Variants in ANK2 observed in about 807,000 individuals in gnomAD.
The protein encoded by ANK2 is ankyrin-2.
ANK2 carries 83 observed loss-of-function variants against 360.5 expected under a neutral mutation model. The observed-to-expected ratio is 0.23, with a 90% CI of 0.19 to 0.28. The LOEUF is 0.28. Ranked by LOEUF, ANK2 falls within the 10% of genes least tolerant of loss-of-function variation. The pLI is 1.00. For synonymous variants in ANK2, 1,740 were observed against 1,759.5 expected, an observed-to-expected ratio of 0.99 and a Z score of 0.28; for missense variants, 4,201 against 4,795.7, an observed-to-expected ratio of 0.88 and a Z score of 3.66.
intron 33 of ANK2, 48 bp downstream of exon 33, chr4:113,341,964 C>T (rs1255020387): frequency 7.3e-7 from 1 of 1,372,366 alleles, no homozygotes. Flanking sequence ...GTTGTTATAC[C>T]TGCATTAATA....
chr4:113,049,717 A>G lies in ANK2; in HGVS notation c.-12A>G. ...TTGATGGCAGAGATATTTTCTTTCC[A>G]AACTGTTCAAAATGATGAACGAAGA... On this transcript the variant is annotated 5_prime_UTR_variant, in exon 1 of 46. Transcript: ENST00000357077. The G allele has an allele frequency of 1.2e-6, 2 of 1,612,416 alleles. No homozygotes were observed. The highest frequency in any genetic ancestry group is 1.7e-6 in the Non-Finnish European group (2 of 1,178,988).
intron 2 of ANK2, among the ~76,000 whole-genome samples, chr4:112,971,633 C>T (rs555002273): frequency 6.6e-6 from 1 of 152,222 alleles, no homozygotes; most frequent in African/African-American, 2.4e-5. Flanking sequence ...ACATTGGTTC[C>T]TTTGTTGGAA....
intron 6 of ANK2, 146 bp downstream of exon 6, chr4:113,237,318 A>G (rs2099391158): frequency 2.8e-6 from 3 of 1,078,548 alleles, no homozygotes; most frequent in South Asian, 1.3e-5. Context: ...GGTATTTCAG[A>G]AAGAAGGGGA....
At chr4:113,177,273 G>A (rs574066500) in intron 2 of ANK2, among the ~76,000 whole-genome samples, 2 of 151,990 alleles carry the variant, frequency 1.3e-5, no homozygotes, top group Non-Finnish European at 2.9e-5. Context: ...GTAGAGACGG[G>A]GTTTCACCAT....
At chr4:112,882,744 A>T (rs892887534) in intron 1 of ANK2, among the ~76,000 whole-genome samples, 5 of 151,910 alleles carry the variant, frequency 3.3e-5, no homozygotes, top group Admixed American at 6.6e-5. Flanking sequence ...GGTTCTGTTG[A>T]TTTTGTCACT....
Position 112,924,870 on chromosome 4 carries a change from G to T in ANK2, c.21+20356G>T, listed in dbSNP as rs1317794389. On this transcript the variant is annotated intron_variant, in intron 2 of 30. Transcript: ENST00000503271. ...TTTTTTTTTTTTGAGACACAGTCTC[G>T]CTCTGTCGCCCAGGCTGGAGTGCAG... Among the ~76,000 whole-genome samples, 6 of 129,278 alleles carry T rather than the reference G, an allele frequency of 4.6e-5. 1 individual carries two copies. In the South Asian group the frequency reaches 1.2e-3, roughly 25 times the overall value. 84.8% of individuals were successfully genotyped at this position (129,278 alleles called of 152,430 possible).
intron 2 of ANK2, among the ~76,000 whole-genome samples, chr4:112,991,389 T>C (rs1013452851): frequency 6.6e-6 from 1 of 152,120 alleles, no homozygotes; most frequent in Non-Finnish European, 1.5e-5. Context: ...TTAGCTCAGA[T>C]TTCCATAACA....
intron 18 of ANK2, among the ~76,000 whole-genome samples, chr4:113,285,539 A>T (rs1014167761): frequency 3.9e-5 from 6 of 152,324 alleles, no homozygotes; most frequent in African/African-American, 1.4e-4. Flanking sequence ...AAAGGCTATT[A>T]CAAAGGATGA....
chr4:113,358,426 G>T lies in ANK2; in HGVS notation c.9808G>T (p.Gly3270Cys), dbSNP rs1054393061. 1.9e-6 allele frequency: 3 copies of T among 1,614,056 alleles called. No homozygotes were observed. The Admixed American group carries it at 5.0e-5, about 27-fold the overall frequency. ...TLTRSVYSDRGDDSPDSSPEE... is the reference protein window; with the variant it reads ...TLTRSVYSDRCDDSPDSSPEE... ...CACCAGGTCTGTTTATTCAGATAGG[G>T]GTGATGATTCTCCCGATTCTTCCCC... is the stretch of plus-strand genomic sequence containing the variant. The change falls in exon 38 of 46, where the codon GGT (glycine) becomes TGT (cysteine). Residue 3270 changes from glycine to cysteine, a missense_variant. Coordinates refer to ENST00000357077, the MANE Select transcript of ANK2 (RefSeq NM_001148.6).
chr4:113,281,430 C>T (rs901254349), intron 17 of ANK2, among the ~76,000 whole-genome samples: 3 of 151,932 alleles, frequency 2.0e-5, no homozygotes, highest in Admixed American at 6.6e-5. Context: ...GTCCTCGGTA[C>T]TTAGGATGCT....
intron 27 of ANK2, 26 bp downstream of exon 27, chr4:113,330,496 C>G: frequency 6.2e-7 from 1 of 1,609,024 alleles, no homozygotes; most frequent in Non-Finnish European, 8.5e-7. Context: ...AAACCTCCCA[C>G]TTAGTCATCG....
chr4:113,085,896 TG>T lies in ANK2; in HGVS notation c.84+36086del, dbSNP rs2084495297. Among the ~76,000 whole-genome samples, 6 of 152,222 alleles carry T rather than the reference TG, an allele frequency of 3.9e-5. No homozygotes were observed. The South Asian group carries it at 1.2e-3, about 32-fold the overall frequency. Reference sequence around the variant, plus strand: ...TTCTTGTAAAAGGAATAGATTCTTCTGGAACAGTTCATTAAAAGCTCTGCAT... The same window carrying T: ...TTCTTGTAAAAGGAATAGATTCTTCTGAACAGTTCATTAAAAGCTCTGCAT... On this transcript the variant is annotated intron_variant, in intron 1 of 45. Coordinates refer to ENST00000357077, the MANE Select transcript of ANK2 (RefSeq NM_001148.6).
chr4:112,887,496 C>A (rs572502321), intron 1 of ANK2, among the ~76,000 whole-genome samples: 1 of 152,288 alleles, frequency 6.6e-6, no homozygotes, highest in East Asian at 1.9e-4. Flanking sequence ...TTCATTGTAA[C>A]TTGAGGAGCA....
chr4:113,206,315 C>T (rs1584848492), intron 4 of ANK2, among the ~76,000 whole-genome samples: 1 of 152,270 alleles, frequency 6.6e-6, no homozygotes, highest in South Asian at 2.1e-4. Flanking sequence ...CATTATTCAG[C>T]TCTCACTTAT....
the ANK2 span, among the ~76,000 whole-genome samples, chr4:112,718,941 GAGCCACCGCTC>G: frequency 6.6e-6 from 1 of 151,990 alleles, no homozygotes; most frequent in Non-Finnish European, 1.5e-5. Context: ...CCGGTCGCAT[GAGCCACCGCTC>G]CCGGTCAGCA....
chr4:113,232,759 A>C (rs1026541971), intron 5 of ANK2, among the ~76,000 whole-genome samples: 1 of 152,190 alleles, frequency 6.6e-6, no homozygotes, highest in African/African-American at 2.4e-5. Flanking sequence ...TGATTATGGC[A>C]ACAACTGAAT....
chr4:113,296,782 C>G (rs2071749878), intron 22 of ANK2, among the ~76,000 whole-genome samples: 1 of 152,068 alleles, frequency 6.6e-6, no homozygotes, highest in African/African-American at 2.4e-5. Context: ...GTGACAGAAG[C>G]CAACAAGCCC....
Position 113,367,595 on chromosome 4 carries a change from A to G in ANK2, c.11062A>G (p.Thr3688Ala), listed in dbSNP as rs1371973611. ...GFSVLQEELC[T>A]AQHKQKEEQA... ...CTCGGTACTTCAAGAGGAGTTATGC[A>G]CTGCACAGCACAAGCAGAAAGAGGA... Residue 3688 changes from threonine (T) to alanine (A), a missense_variant, in exon 42 of 46, where the codon ACT (threonine) becomes GCT (alanine). Around this residue, in one of 4 missense-constraint regions of ANK2, gnomAD observed 2,642 missense variants for 2,714.5 expected, o/e 0.97. Coordinates refer to ENST00000357077, the MANE Select transcript of ANK2 (RefSeq NM_001148.6). 6.2e-7 allele frequency: 1 copy of G among 1,613,896 alleles called. No homozygotes were observed. The highest frequency in any genetic ancestry group is 1.3e-5 in the African/African-American group (1 of 74,956).
At chr4:113,093,077 T>A (rs1283900929) in intron 1 of ANK2, among the ~76,000 whole-genome samples, 1 of 152,176 alleles carries the variant, frequency 6.6e-6, no homozygotes, top group African/African-American at 2.4e-5. Context: ...TATATAAGAA[T>A]ATAAAATGCC....
Sources: allele counts gnomAD v4.1 joint callset (sites outside exome capture counted in the v4.1 genomes callset), GRCh38; gene constraint gnomAD v4.1.1; regional missense constraint gnomAD v4.1.1; transcripts MANE v1.5; gene names NCBI Gene and HGNC (gene_info 2026-07-23, HGNC 2026-07-21).